The following MYOZ2 variants were observed in gnomAD, a reference collection of about 807,000 sequenced individuals.
MYOZ2 encodes myozenin 2.
MYOZ2 carries 19 observed loss-of-function variants against 25.4 expected under a neutral mutation model. That is an observed-to-expected ratio of 0.75 (90% CI 0.52 to 1.10). The LOEUF (loss-of-function observed/expected upper bound fraction) is 1.10. Among genes scored for constraint, MYOZ2 ranks in the 50% least tolerant of loss-of-function variants. The pLI, the probability that MYOZ2 is intolerant of heterozygous loss-of-function variation, is 0.00. For synonymous variants in MYOZ2, 92 were observed against 106.9 expected, an observed-to-expected ratio of 0.86 and a Z score of 0.86; for missense variants, 270 against 317.9, an observed-to-expected ratio of 0.85 and a Z score of 1.15.
chr4:119,137,419 C>G (rs1456341483), intron 2 of MYOZ2, among the ~76,000 whole-genome samples: 1 of 152,032 alleles, frequency 6.6e-6, no homozygotes, highest in East Asian at 1.9e-4. Context: ...TGAGCCATTC[C>G]AGATATATTA....
At chr4:119,137,668 C>T (rs376858408) in intron 2 of MYOZ2, among the ~76,000 whole-genome samples, 4 of 152,128 alleles carry the variant, frequency 2.6e-5, no homozygotes, top group African/African-American at 4.8e-5. Flanking sequence ...AATACAGAAC[C>T]ACTGTACTGG....
intron 5 of MYOZ2, among the ~76,000 whole-genome samples, chr4:119,176,383 G>A (rs894284330): frequency 6.6e-6 from 1 of 151,980 alleles, no homozygotes; most frequent in Non-Finnish European, 1.5e-5. Context: ...ACCACACCCA[G>A]CTAATTTTTT....
intron 2 of MYOZ2, among the ~76,000 whole-genome samples, chr4:119,143,816 C>T (rs1741226703): frequency 6.6e-6 from 1 of 152,120 alleles, no homozygotes; most frequent in African/African-American, 2.4e-5. Flanking sequence ...TAGATTTTTC[C>T]GACTGGCTTC....
At chr4:119,183,506 A>C (rs1235862749) in intron 5 of MYOZ2, among the ~76,000 whole-genome samples, 4 of 152,078 alleles carry the variant, frequency 2.6e-5, no homozygotes, top group African/African-American at 7.2e-5. Flanking sequence ...CGTGAAAGTG[A>C]ATAGGGCAAA....
At chr4:119,162,052 C>G (rs991679072) in intron 4 of MYOZ2, among the ~76,000 whole-genome samples, 5 of 152,014 alleles carry the variant, frequency 3.3e-5, no homozygotes, top group African/African-American at 7.2e-5. Flanking sequence ...GTATAATATA[C>G]AAAGACAAGA....
intron 3 of MYOZ2, among the ~76,000 whole-genome samples, chr4:119,154,255 A>G (rs12509446): frequency 0.57 from 86,676 of 152,004 alleles, 27,871 homozygotes; most frequent in Non-Finnish European, 0.72. Flanking sequence ...TCTTCTATGC[A>G]TGTTTTTAAT....
chr4:119,154,873 A>G lies in MYOZ2; in HGVS notation c.247-3149A>G, dbSNP rs60416531. Among the ~76,000 whole-genome samples the G allele has an allele frequency of 7.6e-3, 584 of 76,858 alleles. 5 individuals carry two copies. The highest frequency in any genetic ancestry group is 0.034 in the African/African-American group (534 of 15,584). 50.4% of individuals were successfully genotyped at this position (76,858 alleles called of 152,430 possible). ...TGTTATATTACACACACACACACGC[A>G]CACACACACACACACACAATGCCTT... On this transcript the variant is annotated intron_variant, in intron 3 of 5. Transcript: ENST00000307128.
intron 4 of MYOZ2, among the ~76,000 whole-genome samples, chr4:119,161,630 A>G (rs922645595): frequency 6.6e-6 from 1 of 152,088 alleles, no homozygotes; most frequent in African/African-American, 2.4e-5. Flanking sequence ...ATCAAAAAAG[A>G]AAAAAGTTGT....
chr4:119,154,379 G>A (rs188772553), intron 3 of MYOZ2, among the ~76,000 whole-genome samples: 3 of 152,242 alleles, frequency 2.0e-5, no homozygotes, highest in African/African-American at 7.2e-5. Context: ...AGGAATTGCA[G>A]ATGATGGAAT....
In MYOZ2 at chr4:119,164,520, T is replaced by C. The variant is rs572580058; in HGVS notation, c.560+126T>C. ...TTTGAGAAAAGAATCTAAATAGCAA[T>C]ATAGGATATCTTCTAAGCCTAGGCA... On this transcript the variant is annotated intron_variant, in intron 5 of 5. Transcript: ENST00000307128. 1.2e-5 allele frequency: 10 copies of C among 866,578 alleles called. No homozygotes were observed. In the South Asian group the frequency reaches 1.4e-4, roughly 12 times the overall value. 53.7% of individuals were successfully genotyped at this position (866,578 alleles called of 1,614,324 possible).
At chr4:119,180,734 T>C (rs893708352) in intron 5 of MYOZ2, among the ~76,000 whole-genome samples, 3 of 152,152 alleles carry the variant, frequency 2.0e-5, no homozygotes, top group African/African-American at 7.2e-5. Context: ...TTGTATTTTT[T>C]TAGTAGAGAC....
chr4:119,164,121 G>T, intron 4 of MYOZ2, 90 bp from the exon 5 acceptor site: 1 of 1,251,938 alleles, frequency 8.0e-7, no homozygotes, highest in South Asian at 1.2e-5. Flanking sequence ...ATTTATCCCA[G>T]CATGAAAAAT....
chr4:119,154,892 A>ACACACAC (rs58689464), intron 3 of MYOZ2, among the ~76,000 whole-genome samples: 12,995 of 148,402 alleles, frequency 0.088, 711 homozygotes, highest in Non-Finnish European at 0.13. Flanking sequence ...CACACACACA[A>ACACACAC]TGCCTTTCTT....
chr4:119,163,636 A>G (rs1741755098), intron 4 of MYOZ2, among the ~76,000 whole-genome samples: 1 of 152,210 alleles, frequency 6.6e-6, no homozygotes, highest in Non-Finnish European at 1.5e-5. Context: ...GGATGGGTAC[A>G]TTGGGAGATA....
At chr4:119,153,621 C>T (rs1287079968) in intron 3 of MYOZ2, among the ~76,000 whole-genome samples, 1 of 152,026 alleles carries the variant, frequency 6.6e-6, no homozygotes, top group African/African-American at 2.4e-5. Context: ...TTTAACTCAG[C>T]TTTATATATT....
At chr4:119,150,112 T>C (rs6847481) in intron 2 of MYOZ2, among the ~76,000 whole-genome samples, 40,194 of 152,024 alleles carry the variant, frequency 0.26, 5,417 homozygotes, top group Middle Eastern at 0.34. Context: ...TTGGAAAAAC[T>C]GTTTAGTAAA....
chr4:119,157,756 C>T (rs1401472658), intron 3 of MYOZ2, among the ~76,000 whole-genome samples: 1 of 152,102 alleles, frequency 6.6e-6, no homozygotes, highest in Non-Finnish European at 1.5e-5. Flanking sequence ...CACACAGTGC[C>T]TGGCACACAG....
chr4:119,142,515 T>C (rs1234321134), intron 2 of MYOZ2, among the ~76,000 whole-genome samples: 1 of 152,204 alleles, frequency 6.6e-6, no homozygotes, highest in Non-Finnish European at 1.5e-5. Context: ...GAATATTCCC[T>C]GTAGAACTCA....
intron 2 of MYOZ2, among the ~76,000 whole-genome samples, chr4:119,137,550 C>A (rs930071052): frequency 3.3e-5 from 5 of 152,082 alleles, no homozygotes; most frequent in African/African-American, 1.2e-4. Context: ...ATAATGTTTT[C>A]ATATTACACC....
Sources: gnomAD v4.1 joint callset for allele counts (sites outside exome capture counted in the v4.1 genomes callset) on GRCh38, gnomAD v4.1.1 for gene constraint, MANE v1.5 for transcripts, NCBI Gene and HGNC (gene_info 2026-07-23, HGNC 2026-07-21) for gene names.